The following MYRIP variants were observed in gnomAD, a reference collection of about 807,000 sequenced individuals.
MYRIP encodes the protein myosin VIIA and Rab interacting protein, also known as rab effector MyRIP.
In MYRIP, 49 loss-of-function variants were observed where a neutral mutation model predicts 98.0. The observed-to-expected ratio is 0.50, with a 90% CI of 0.40 to 0.63. The LOEUF (loss-of-function observed/expected upper bound fraction) is 0.63. Among genes scored for constraint, MYRIP ranks in the 30% least tolerant of loss-of-function variants. The pLI is 0.00. For missense variants in MYRIP, 1,004 were observed against 1,058.2 expected (o/e 0.95, Z 0.71); for synonymous variants, 404 against 409.5 (o/e 0.99, Z 0.16).
At chr3:40,117,007 C>T (rs964381087) in intron 3 of MYRIP, among the ~76,000 whole-genome samples, 7 of 152,138 alleles carry the variant, frequency 4.6e-5, no homozygotes, top group African/African-American at 9.7e-5. Context: ...CTCCTGTCTC[C>T]GTCTCACAGT....
At chr3:40,110,257 G>A (rs1446041460) in intron 3 of MYRIP, among the ~76,000 whole-genome samples, 2 of 152,200 alleles carry the variant, frequency 1.3e-5, no homozygotes, top group Non-Finnish European at 2.9e-5. Context: ...GGGCATATTT[G>A]CATTTATTTG....
intron 2 of MYRIP, among the ~76,000 whole-genome samples, chr3:40,008,664 A>T (rs1334009251): frequency 6.6e-6 from 1 of 152,212 alleles, no homozygotes; most frequent in Admixed American, 6.5e-5. Flanking sequence ...TAATTATAGC[A>T]AGACCCTGCA....
At chr3:39,878,924 G>A (rs951747381) in intron 1 of MYRIP, among the ~76,000 whole-genome samples, 1 of 150,946 alleles carries the variant, frequency 6.6e-6, no homozygotes, top group African/African-American at 2.4e-5. Flanking sequence ...AAAATAGCTG[G>A]GCATGGTGGC....
intron 2 of MYRIP, among the ~76,000 whole-genome samples, chr3:39,932,071 T>A (rs905059474): frequency 6.6e-6 from 1 of 152,146 alleles, no homozygotes; most frequent in South Asian, 2.1e-4. Flanking sequence ...ATTTACTAGG[T>A]TGTGTTCCAT....
At chr3:39,933,217 G>A (rs1028922453) in intron 2 of MYRIP, among the ~76,000 whole-genome samples, 1 of 152,132 alleles carries the variant, frequency 6.6e-6, no homozygotes, top group Non-Finnish European at 1.5e-5. Flanking sequence ...ACCTGTTTTT[G>A]TAAATAAACT....
chr3:40,060,479 A>G (rs1181863461), intron 3 of MYRIP, among the ~76,000 whole-genome samples: 1 of 151,948 alleles, frequency 6.6e-6, no homozygotes, highest in Non-Finnish European at 1.5e-5. Context: ...GTTGGTGGTT[A>G]TTTTGCGAAT....
chr3:39,932,254 G>A (rs1044536717), intron 2 of MYRIP, among the ~76,000 whole-genome samples: 1 of 152,162 alleles, frequency 6.6e-6, no homozygotes, highest in Non-Finnish European at 1.5e-5. Flanking sequence ...CCTGTATAAG[G>A]AGGCTTGCAC....
intron 8 of MYRIP, among the ~76,000 whole-genome samples, chr3:40,176,444 A>G (rs1950760399): frequency 6.6e-6 from 1 of 152,144 alleles, no homozygotes; most frequent in Admixed American, 6.5e-5. Context: ...GACATGAACA[A>G]ACAGCATAAA....
At chr3:40,086,691 C>A (rs574007775) in intron 3 of MYRIP, among the ~76,000 whole-genome samples, 7 of 152,302 alleles carry the variant, frequency 4.6e-5, no homozygotes, top group South Asian at 2.1e-4. Context: ...TACTTTCTGT[C>A]CTCCAGTTCC....
chr3:40,092,894 G>T (rs1391838296), intron 3 of MYRIP, among the ~76,000 whole-genome samples: 1 of 152,180 alleles, frequency 6.6e-6, no homozygotes, highest in Non-Finnish European at 1.5e-5. Context: ...CGTCGCAGGA[G>T]TTTAGTCTGC....
At chr3:40,223,157 C>T (rs1289409451) in intron 11 of MYRIP, among the ~76,000 whole-genome samples, 1 of 152,110 alleles carries the variant, frequency 6.6e-6, no homozygotes, top group African/African-American at 2.4e-5. Context: ...TGAATTCTTC[C>T]AAAATTAGGT....
intron 2 of MYRIP, among the ~76,000 whole-genome samples, chr3:40,043,565 T>A (rs144755450): frequency 8.5e-5 from 13 of 152,136 alleles, no homozygotes; most frequent in Non-Finnish European, 1.8e-4. Context: ...TATTAACTCA[T>A]ATAGATTTGA....
chr3:40,099,722 T>C (rs979514180), intron 3 of MYRIP, among the ~76,000 whole-genome samples: 1 of 152,204 alleles, frequency 6.6e-6, no homozygotes, highest in Non-Finnish European at 1.5e-5. Context: ...CATGTTTGTA[T>C]TAAGAACATT....
chr3:39,888,778 C>T (rs1469473738), intron 1 of MYRIP, among the ~76,000 whole-genome samples: 1 of 152,210 alleles, frequency 6.6e-6, no homozygotes, highest in Non-Finnish European at 1.5e-5. Context: ...GCAACCTACT[C>T]ATCTGACAAA....
intron 11 of MYRIP, among the ~76,000 whole-genome samples, chr3:40,224,573 G>A (rs1296478572): frequency 6.6e-6 from 1 of 152,054 alleles, no homozygotes; most frequent in Non-Finnish European, 1.5e-5. Context: ...GCCAACATCA[G>A]ACAATACTAG....
chr3:39,838,983 T>C (rs1227344003), intron 1 of MYRIP, among the ~76,000 whole-genome samples: 1 of 152,208 alleles, frequency 6.6e-6, no homozygotes, highest in Non-Finnish European at 1.5e-5. Flanking sequence ...TTCTAGATTT[T>C]CTAGTTTATG....
chr3:39,825,638 T>G (rs1941240895), intron 1 of MYRIP, among the ~76,000 whole-genome samples: 1 of 152,322 alleles, frequency 6.6e-6, no homozygotes, highest in South Asian at 2.1e-4. Flanking sequence ...TTGGCTTGTA[T>G]TTTTCATTGT....
intron 1 of MYRIP, among the ~76,000 whole-genome samples, chr3:39,841,704 A>G (rs1400975085): frequency 6.6e-6 from 1 of 152,114 alleles, no homozygotes; most frequent in Non-Finnish European, 1.5e-5. Context: ...TCCTTCTAAT[A>G]GGCAGGTCCC....
intron 3 of MYRIP, among the ~76,000 whole-genome samples, chr3:40,068,561 C>A (rs1379150441): frequency 2.6e-5 from 4 of 152,184 alleles, no homozygotes; most frequent in Non-Finnish European, 5.9e-5. Context: ...ATACAAAATA[C>A]TGTATTCATT....
Sources: allele counts gnomAD v4.1 joint callset (sites outside exome capture counted in the v4.1 genomes callset), GRCh38; gene constraint gnomAD v4.1.1; transcripts MANE v1.5; gene names NCBI Gene and HGNC (gene_info 2026-07-23, HGNC 2026-07-21).